The following PRR5 variants were observed in gnomAD, a reference collection of about 807,000 sequenced individuals.
PRR5 encodes the protein proline rich 5.
A neutral mutation model predicts 30.6 loss-of-function variants in PRR5; 25 were observed. The observed-to-expected ratio is 0.82, with a 90% CI of 0.60 to 1.14. The LOEUF (loss-of-function observed/expected upper bound fraction) is 1.14, where lower values mean the gene tolerates loss of function less well. Ranked by LOEUF, PRR5 falls within the 50% of genes most tolerant of loss-of-function variation. PRR5 has a pLI of 0.00. For missense variants in PRR5, 600 were observed against 547.1 expected, an observed-to-expected ratio of 1.10 and a Z score of -0.96; for synonymous variants, 286 against 247.1, an observed-to-expected ratio of 1.16 and a Z score of -1.48.
chr22:44,684,555 T>C (rs909649310), intron 1 of PRR5, among the ~76,000 whole-genome samples: 10 of 152,110 alleles, frequency 6.6e-5, no homozygotes, highest in Admixed American at 3.3e-4. Context: ...GAAAATGTCC[T>C]GGGGATGATG....
chr22:44,709,829 G>T (rs1489705353), intron 1 of PRR5, among the ~76,000 whole-genome samples: 1 of 152,100 alleles, frequency 6.6e-6, no homozygotes, highest in Non-Finnish European at 1.5e-5. Flanking sequence ...TCCAGCCTAG[G>T]TGACAGAACG....
At chr22:44,679,891 A>T in intron 1 of PRR5, 1 of 1,572,606 alleles carries the variant, frequency 6.4e-7, no homozygotes, top group Non-Finnish European at 8.6e-7. Context: ...TACAGGTGCC[A>T]CTGTGCCGAA....
chr22:44,729,514 A>C (rs758771524), intron 4 of PRR5: 12 of 985,414 alleles, frequency 1.2e-5, no homozygotes, highest in African/African-American at 3.5e-5. Context: ...CCGGCAGCAA[A>C]CGCCCAGTGC....
intron 1 of PRR5, among the ~76,000 whole-genome samples, chr22:44,687,503 A>T (rs1924856235): frequency 6.6e-6 from 1 of 152,106 alleles, no homozygotes; most frequent in Admixed American, 6.5e-5. Flanking sequence ...AGAACTGCAC[A>T]CTTTTTCCTA....
chr22:44,680,948 C>G (rs751399862), intron 1 of PRR5, among the ~76,000 whole-genome samples: 10 of 152,196 alleles, frequency 6.6e-5, no homozygotes, highest in Non-Finnish European at 1.0e-4. Context: ...ATGTGGTCTC[C>G]ACATTCATGC....
chr22:44,675,799 C>CATTATTAT, upstream of PRR5, among the ~76,000 whole-genome samples: 1 of 123,986 alleles, frequency 8.1e-6, no homozygotes, highest in African/African-American at 3.2e-5. Flanking sequence ...ATTATTATTA[C>CATTATTAT]TTAGGTCACA....
At chr22:44,669,738 G>T (rs750416658) in intron 1 of PRR5, among the ~76,000 whole-genome samples, 1 of 152,172 alleles carries the variant, frequency 6.6e-6, no homozygotes, top group Non-Finnish European at 1.5e-5. Flanking sequence ...CCTACCAGTG[G>T]CATGGGTGGG....
At chr22:44,730,292 T>C in intron 4 of PRR5, 2 of 985,274 alleles carry the variant, frequency 2.0e-6, no homozygotes, top group Non-Finnish European at 2.4e-6. Flanking sequence ...CGCTTCCCTC[T>C]TCACTCAGAG....
intron 7 of PRR5, among the ~76,000 whole-genome samples, chr22:44,735,826 G>A (rs1569115624): frequency 6.6e-6 from 1 of 152,354 alleles, no homozygotes; most frequent in East Asian, 1.9e-4. Context: ...TCATCCAGAG[G>A]GGCTCCCCGT....
chr22:44,737,072 A>G lies in PRR5; in HGVS notation c.992A>G (p.Gln331Arg). 1.2e-6 allele frequency: 2 copies of G among 1,610,622 alleles called. No individual in the cohort carries two copies. The highest frequency in any genetic ancestry group is 1.1e-5 in the South Asian group (1 of 91,062). Reference protein sequence around the residue: ...RLYPTTQPPEQGLDPTRSSLP... With the variant: ...RLYPTTQPPERGLDPTRSSLP... The stretch of plus-strand genomic sequence containing the variant: ...TACCCCACGACCCAGCCCCCTGAGC[A>G]GGGCTTGGATCCCACCCGCAGCTCC... The change falls in exon 8 of 8, where the codon CAG becomes CGG. Residue 331 changes from glutamine (Q) to arginine (R), a missense_variant. Transcript: ENST00000336985.
intron 5 of PRR5, 139 bp from the exon 6 acceptor site, chr22:44,732,112 G>C (rs370997483): frequency 7.3e-6 from 10 of 1,361,142 alleles, no homozygotes; most frequent in African/African-American, 1.4e-5. Flanking sequence ...TCCTTGGGAC[G>C]GGGTCATCTG....
intron 1 of PRR5, among the ~76,000 whole-genome samples, chr22:44,680,847 G>T (rs1050346256): frequency 6.6e-6 from 1 of 152,242 alleles, no homozygotes; most frequent in Non-Finnish European, 1.5e-5. Flanking sequence ...GACAGAGGAA[G>T]GAGCCAAGGT....
At chr22:44,731,233 TG>T in intron 4 of PRR5, 1 of 222,612 alleles carries the variant, frequency 4.5e-6, no homozygotes, top group Non-Finnish European at 9.1e-6. Context: ...TGTACCTGTG[TG>T]GGTCTTACCT....
At chr22:44,720,934 G>A (rs1239657475) in intron 2 of PRR5, among the ~76,000 whole-genome samples, 8 of 152,178 alleles carry the variant, frequency 5.3e-5, no homozygotes, top group East Asian at 3.9e-4. Flanking sequence ...GGGCCTCTCC[G>A]GGATTTCCAG....
At chr22:44,697,075 C>T (rs5765910) in intron 1 of PRR5, among the ~76,000 whole-genome samples, 56,306 of 152,026 alleles carry the variant, frequency 0.37, 12,336 homozygotes, top group African/African-American at 0.62. Flanking sequence ...TAGGAAGGGA[C>T]GATGGGCTCA....
At chr22:44,726,085 G>T (rs1157145082) in intron 3 of PRR5, among the ~76,000 whole-genome samples, 2 of 152,224 alleles carry the variant, frequency 1.3e-5, no homozygotes, top group East Asian at 3.9e-4. Flanking sequence ...TCTTTGTGTG[G>T]AGATGGGCTG....
At chr22:44,729,847 C>T (rs990833334) in intron 4 of PRR5, 19 of 985,346 alleles carry the variant, frequency 1.9e-5, no homozygotes, top group African/African-American at 5.2e-5. Context: ...CAGGCCTGGC[C>T]GGTGCCCAGA....
chr22:44,727,387 G>C (rs1003062622), intron 4 of PRR5, among the ~76,000 whole-genome samples: 1 of 152,204 alleles, frequency 6.6e-6, no homozygotes, highest in South Asian at 2.1e-4. Context: ...CTTTGCTCGG[G>C]CTGTGCTGGG....
chr22:44,737,064 C>T lies in PRR5; in HGVS notation c.984C>T (p.Pro328=). 1.2e-6 allele frequency: 2 copies of T among 1,610,184 alleles called. No homozygotes were observed. The highest frequency in any genetic ancestry group is 1.7e-6 in the Non-Finnish European group (2 of 1,179,230). ...GCAGACTGTACCCCACGACCCAGCC[C>T]CCTGAGCAGGGCTTGGATCCCACCC... The part of the protein sequence containing the change: ...CPSRLYPTTQ[P]PEQGLDPTRS... The change falls in exon 8 of 8, where the codon CCC becomes CCT. Residue 328 remains proline, a synonymous_variant. Transcript: ENST00000336985.
Sources: gnomAD v4.1 joint callset for allele counts (sites outside exome capture counted in the v4.1 genomes callset) on GRCh38, gnomAD v4.1.1 for gene constraint, MANE v1.5 for transcripts, NCBI Gene and HGNC (gene_info 2026-07-23, HGNC 2026-07-21) for gene names.